The following APOBEC3F variants were observed in gnomAD, a reference collection of about 807,000 sequenced individuals.
The protein encoded by APOBEC3F is DNA dC->dU-editing enzyme APOBEC-3F.
Under a neutral mutation model 45.8 loss-of-function variants are expected in APOBEC3F, and 34 were observed. The observed-to-expected ratio is 0.74, with a 90% CI of 0.57 to 0.99. APOBEC3F has a LOEUF of 0.99. Ranked by LOEUF, APOBEC3F falls within the 50% of genes least tolerant of loss-of-function variation. The pLI is 0.00. For missense variants in APOBEC3F, 459 were observed against 474.1 expected, an observed-to-expected ratio of 0.97 and a Z score of 0.30; for synonymous variants, 192 against 174.4, an observed-to-expected ratio of 1.10 and a Z score of -0.80.
intron 2 of APOBEC3F, among the ~76,000 whole-genome samples, chr22:39,044,700 C>G (rs945954360): frequency 2.0e-5 from 3 of 152,134 alleles, no homozygotes; most frequent in African/African-American, 7.2e-5. Flanking sequence ...AAAGGTGCAG[C>G]CCCCACAGCC....
rs768899105 is a variant in APOBEC3F at position 39,052,355 on chromosome 22, T to G, written c.1003+2T>G. Reference sequence around the variant, plus strand: ...CCGTGGAGATCATGGGCTACAAAGGTGAGACGTTGGGGGGCTGAGGAGAGT... The same window carrying G: ...CCGTGGAGATCATGGGCTACAAAGGGGAGACGTTGGGGGGCTGAGGAGAGT... On this transcript the variant is annotated splice_donor_variant, in intron 6 of 6. Coordinates refer to ENST00000308521, the MANE Select transcript of APOBEC3F (RefSeq NM_145298.6). LOFTEE classifies it high-confidence loss of function. The G allele has an allele frequency of 1.2e-6, 2 of 1,613,538 alleles. No homozygotes were observed. The highest frequency in any genetic ancestry group is 2.2e-5 in the South Asian group (2 of 91,054).
chr22:39,054,173 A>G lies in APOBEC3F; in HGVS notation c.*1478A>G, dbSNP rs1380870014. Among the ~76,000 whole-genome samples the G allele has an allele frequency of 2.0e-5, 3 of 151,554 alleles. No individual in the cohort carries two copies. Among genetic ancestry groups the G allele is most frequent in the African/African-American group, 7.3e-5 (3 of 41,202 alleles). ...GATTACAGGCGTCCACCACCAAACC[A>G]GGCTAATTTTTGTATTTTTCATAAA... On this transcript the variant is annotated 3_prime_UTR_variant, in exon 7 of 7. Coordinates refer to ENST00000308521, the MANE Select transcript of APOBEC3F (RefSeq NM_145298.6).
intron 1 of APOBEC3F, 146 bp downstream of exon 1, chr22:39,041,123 G>T: frequency 7.1e-7 from 1 of 1,417,310 alleles, no homozygotes; most frequent in Non-Finnish European, 9.5e-7. Context: ...GCCACTCCCA[G>T]CCAGGCTCTT....
intron 4 of APOBEC3F, among the ~76,000 whole-genome samples, chr22:39,045,926 C>T (rs550010371): frequency 6.6e-6 from 1 of 150,810 alleles, no homozygotes; most frequent in African/African-American, 2.4e-5. Flanking sequence ...CCTTCAAGGC[C>T]GACCTGAGTC....
chr22:39,049,336 G>A, intron 4 of APOBEC3F, 89 bp from the exon 5 acceptor site: 1 of 1,453,530 alleles, frequency 6.9e-7, no homozygotes. Context: ...GACATTCCCA[G>A]GGCTGTCCAG....
chr22:39,052,954 C>A lies in APOBEC3F; in HGVS notation c.*259C>A, dbSNP rs189170189. 7.8e-6 allele frequency: 5 copies of A among 644,174 alleles called. No individual in the cohort carries two copies. The highest frequency in any genetic ancestry group is 7.6e-5 in the African/African-American group (4 of 52,962). 39.9% of individuals were successfully genotyped at this position (644,174 alleles called of 1,614,324 possible). ...GTTCCCTGAGCCTGCATGCCCCTAA[C>A]CTGCCTTTTCCCATCTCCCCAGCAT... On this transcript the variant is annotated 3_prime_UTR_variant, in exon 7 of 7. Transcript: ENST00000308521.
At chr22:39,049,946 G>A (rs957257812) in intron 5 of APOBEC3F, among the ~76,000 whole-genome samples, 3 of 148,704 alleles carry the variant, frequency 2.0e-5, no homozygotes, top group African/African-American at 7.5e-5. Context: ...CAAGTGATCC[G>A]CCCCCCTCGG....
intron 4 of APOBEC3F, among the ~76,000 whole-genome samples, chr22:39,048,446 G>A (rs531016802): frequency 3.4e-4 from 51 of 152,236 alleles, no homozygotes; most frequent in Non-Finnish European, 1.3e-4. Context: ...AGGCTGAGTC[G>A]GGCAGATCAC....
At chr22:39,046,594 G>T (rs1927233785) in intron 4 of APOBEC3F, among the ~76,000 whole-genome samples, 3 of 151,774 alleles carry the variant, frequency 2.0e-5, no homozygotes, top group Admixed American at 6.6e-5. Flanking sequence ...CAAACACTCA[G>T]TGATCAAGGT....
intron 1 of APOBEC3F, among the ~76,000 whole-genome samples, chr22:39,042,000 A>G (rs957733246): frequency 6.6e-6 from 1 of 152,238 alleles, no homozygotes; most frequent in Non-Finnish European, 1.5e-5. Flanking sequence ...GGCTGGTGAC[A>G]CAGAGACTGG....
intron 4 of APOBEC3F, among the ~76,000 whole-genome samples, chr22:39,047,436 A>G (rs1177054694): frequency 6.6e-6 from 1 of 152,106 alleles, no homozygotes; most frequent in Non-Finnish European, 1.5e-5. Flanking sequence ...AAGATAAAAT[A>G]GAACCCAAGC....
At chr22:39,049,167 G>T (rs1927361125) in intron 4 of APOBEC3F, among the ~76,000 whole-genome samples, 1 of 152,164 alleles carries the variant, frequency 6.6e-6, no homozygotes, top group South Asian at 2.1e-4. Flanking sequence ...TTCCTAATGG[G>T]TTGGGAGACG....
chr22:39,055,908 G>A lies in APOBEC3F; in HGVS notation c.*3213G>A, dbSNP rs907549445. On this transcript the variant is annotated 3_prime_UTR_variant, in exon 7 of 7. Transcript: ENST00000308521. ...AAAGGGCCAGGGACTTCTTCAGGGAGCTCCAATCTTCAGATGCAAGTCTGT... is the reference window on the plus strand; with the variant it reads ...AAAGGGCCAGGGACTTCTTCAGGGAACTCCAATCTTCAGATGCAAGTCTGT... Among the ~76,000 whole-genome samples, 5 of 152,170 alleles carry A rather than the reference G, an allele frequency of 3.3e-5. No homozygotes were observed. Among genetic ancestry groups the A allele is most frequent in the African/African-American group, 1.2e-4 (5 of 41,448 alleles).
chr22:39,048,861 C>G (rs1359304087), intron 4 of APOBEC3F, among the ~76,000 whole-genome samples: 1 of 151,368 alleles, frequency 6.6e-6, no homozygotes, highest in Non-Finnish European at 1.5e-5. Flanking sequence ...GACACAAGCT[C>G]GTAATCCCAG....
At chr22:39,042,699 C>A (rs1239601373) in intron 1 of APOBEC3F, among the ~76,000 whole-genome samples, 4 of 152,138 alleles carry the variant, frequency 2.6e-5, no homozygotes, top group African/African-American at 9.7e-5. Flanking sequence ...ACTCCTGGAA[C>A]GACCAGAGCT....
intron 5 of APOBEC3F, among the ~76,000 whole-genome samples, chr22:39,049,923 G>A (rs1396334006): frequency 4.6e-5 from 7 of 151,176 alleles, no homozygotes; most frequent in East Asian, 3.9e-4. Context: ...GGCTGGTTTC[G>A]AATTCCTGAC....
intron 2 of APOBEC3F, chr22:39,044,072 G>A (rs1927071993): frequency 1.3e-6 from 2 of 1,540,964 alleles, no homozygotes; most frequent in Non-Finnish European, 8.7e-7. Context: ...GGTGTATGGT[G>A]TATTTTTCAG....
Position 39,045,193 on chromosome 22 carries a change from G to T in APOBEC3F, c.424G>T (p.Ala142Ser). The change falls in exon 3 of 7, where the codon GCC (alanine) becomes TCC (serine). Residue 142 changes from alanine to serine, a missense_variant. Transcript: ENST00000308521. ...RALCRLSQAG[A>S]RVKIMDDEEF... ...GCTCTGCAGGCTGAGTCAGGCAGGGGCCCGCGTGAAGATTATGGACGATGA... is the reference window on the plus strand; with the variant it reads ...GCTCTGCAGGCTGAGTCAGGCAGGGTCCCGCGTGAAGATTATGGACGATGA... 1 of 1,614,180 alleles carries T rather than the reference G, an allele frequency of 6.2e-7. No individual in the cohort carries two copies. The highest frequency in any genetic ancestry group is 1.1e-5 in the South Asian group (1 of 91,082).
chr22:39,045,891 G>A (rs1927193209), intron 4 of APOBEC3F, among the ~76,000 whole-genome samples: 1 of 146,416 alleles, frequency 6.8e-6, no homozygotes, highest in East Asian at 1.9e-4. Context: ...TCACAAGGCC[G>A]ACAGCCAGAA....
Sources: allele counts gnomAD v4.1 joint callset (sites outside exome capture counted in the v4.1 genomes callset), GRCh38; gene constraint gnomAD v4.1.1; transcripts MANE v1.5; gene names NCBI Gene and HGNC (gene_info 2026-07-23, HGNC 2026-07-21).